Variants in CCSER1 observed in about 807,000 individuals in gnomAD.
CCSER1 encodes the protein coiled-coil serine rich protein 1, also known as serine-rich coiled-coil domain-containing protein 1.
In CCSER1, 41 loss-of-function variants were observed where a neutral mutation model predicts 82.0. The observed-to-expected ratio is 0.50, with a 90% CI of 0.39 to 0.65. The LOEUF is 0.65. CCSER1 is among the 30% of genes least tolerant of loss of function. The probability of loss-of-function intolerance (pLI) is 0.00; values close to 1 mark genes in which losing one functional copy is unlikely to be tolerated. For missense variants in CCSER1, 1,119 were observed against 1,064.2 expected, an observed-to-expected ratio of 1.05 and a Z score of -0.72; for synonymous variants, 414 against 383.9, an observed-to-expected ratio of 1.08 and a Z score of -0.92.
chr4:90,282,924 G>A (rs1729139456), intron 1 of CCSER1, among the ~76,000 whole-genome samples: 1 of 151,926 alleles, frequency 6.6e-6, no homozygotes, highest in South Asian at 2.1e-4. Flanking sequence ...TAAAGGGATA[G>A]GTGAGTACTA....
intron 1 of CCSER1, among the ~76,000 whole-genome samples, chr4:90,189,500 G>A (rs1480678273): frequency 1.3e-5 from 2 of 151,698 alleles, no homozygotes; most frequent in Non-Finnish European, 2.9e-5. Flanking sequence ...TATGTTTAGT[G>A]TATATATGTA....
At chr4:90,325,606 A>T (rs956020151) in intron 3 of CCSER1, 1 of 444,672 alleles carries the variant, frequency 2.2e-6, no homozygotes, top group East Asian at 7.0e-5. Context: ...GGTCTGCGAC[A>T]GATCTCTGAC....
intron 7 of CCSER1, among the ~76,000 whole-genome samples, chr4:90,784,944 T>A (rs555496412): frequency 2.6e-5 from 4 of 152,180 alleles, no homozygotes; most frequent in Non-Finnish European, 5.9e-5. Flanking sequence ...TTTATCTTCA[T>A]CCTCGTCACA....
intron 10 of CCSER1, among the ~76,000 whole-genome samples, chr4:91,299,996 C>G (rs1429660611): frequency 6.6e-6 from 1 of 151,808 alleles, no homozygotes; most frequent in Non-Finnish European, 1.5e-5. Context: ...GTTAGCAGCT[C>G]GGAATTATGT....
At chr4:91,146,068 T>C (rs1729504272) in intron 10 of CCSER1, among the ~76,000 whole-genome samples, 1 of 152,206 alleles carries the variant, frequency 6.6e-6, no homozygotes, top group Non-Finnish European at 1.5e-5. Flanking sequence ...CAATGAATCA[T>C]AGATTTGGTC....
chr4:91,376,132 G>A (rs558152163), intron 10 of CCSER1, among the ~76,000 whole-genome samples: 4 of 152,192 alleles, frequency 2.6e-5, no homozygotes, highest in African/African-American at 7.2e-5. Flanking sequence ...CAAAAATTCC[G>A]ATAAATAAGT....
At chr4:90,914,417 G>T (rs1581056065) in intron 8 of CCSER1, among the ~76,000 whole-genome samples, 1 of 152,098 alleles carries the variant, frequency 6.6e-6, no homozygotes, top group Admixed American at 6.6e-5. Flanking sequence ...CTAAATGAAG[G>T]CAGAAATAAA....
chr4:90,542,150 G>A (rs1279818478), intron 5 of CCSER1, among the ~76,000 whole-genome samples: 1 of 151,964 alleles, frequency 6.6e-6, no homozygotes, highest in Non-Finnish European at 1.5e-5. Context: ...GATAAATTCA[G>A]ATTAAAAAGC....
At chr4:90,612,817 A>G (rs920405797) in intron 5 of CCSER1, among the ~76,000 whole-genome samples, 23 of 152,126 alleles carry the variant, frequency 1.5e-4, no homozygotes, top group African/African-American at 5.3e-4. Flanking sequence ...AAAATGTTAT[A>G]CCAGTCTCTT....
intron 9 of CCSER1, among the ~76,000 whole-genome samples, chr4:91,010,258 T>C (rs998543194): frequency 2.6e-5 from 4 of 152,230 alleles, no homozygotes; most frequent in Non-Finnish European, 4.4e-5. Flanking sequence ...CTGCAGAGTT[T>C]CTGCTGAAAA....
chr4:90,431,445 G>T (rs1351738691), intron 4 of CCSER1, among the ~76,000 whole-genome samples: 1 of 152,072 alleles, frequency 6.6e-6, no homozygotes, highest in African/African-American at 2.4e-5. Flanking sequence ...GAGAGTCTTA[G>T]TGTGGGGAAA....
Position 90,793,626 on chromosome 4 carries a change from A to G in CCSER1, c.2011-22136A>G, listed in dbSNP as rs1207170000. 2.0e-5 allele frequency among the ~76,000 whole-genome samples: 3 copies of G among 152,206 alleles called. No individual in the cohort carries two copies. In the East Asian group the frequency reaches 5.8e-4, roughly 29 times the overall value. ...CTTTGCCATTGTGAATAGTGCTGCA[A>G]TGAACATATGTGTGCATGTGTCTTT... On this transcript the variant is annotated intron_variant, in intron 7 of 10. Coordinates refer to ENST00000509176, the MANE Select transcript of CCSER1 (RefSeq NM_001145065.2).
At chr4:90,293,929 A>C (rs1411197997) in intron 1 of CCSER1, among the ~76,000 whole-genome samples, 1 of 152,020 alleles carries the variant, frequency 6.6e-6, no homozygotes, top group South Asian at 2.1e-4. Flanking sequence ...CCAACATACA[A>C]AAATCTATTG....
At chr4:91,444,718 G>T (rs1195473618) in intron 10 of CCSER1, among the ~76,000 whole-genome samples, 1 of 152,196 alleles carries the variant, frequency 6.6e-6, no homozygotes, top group Admixed American at 6.5e-5. Context: ...CCAAAGTGCT[G>T]GGATCACAGG....
chr4:91,594,366 TACACATATATATAC>T (rs1364334878), intron 10 of CCSER1, among the ~76,000 whole-genome samples: 2 of 137,840 alleles, frequency 1.5e-5, no homozygotes, highest in South Asian at 2.2e-4. Context: ...CACATATATA[TACACATATATATAC>T]ACACATATAT....
intron 9 of CCSER1, among the ~76,000 whole-genome samples, chr4:90,939,682 C>G (rs923212578): frequency 2.0e-5 from 3 of 151,944 alleles, no homozygotes; most frequent in African/African-American, 7.3e-5. Flanking sequence ...TGGTGGTAAC[C>G]TTTATAAATA....
At chr4:91,569,493 T>G (rs748129783) in intron 10 of CCSER1, among the ~76,000 whole-genome samples, 1 of 152,188 alleles carries the variant, frequency 6.6e-6, no homozygotes, top group Non-Finnish European at 1.5e-5. Flanking sequence ...TAAAAAAGTT[T>G]AATTGATTCA....
chr4:91,334,675 G>C (rs1747197839), intron 10 of CCSER1, among the ~76,000 whole-genome samples: 1 of 151,972 alleles, frequency 6.6e-6, no homozygotes, highest in Non-Finnish European at 1.5e-5. Flanking sequence ...TTTTGCAAAG[G>C]GCTGTATTTG....
chr4:90,298,471 G>T (rs1463017772), intron 1 of CCSER1, among the ~76,000 whole-genome samples: 3 of 151,108 alleles, frequency 2.0e-5, no homozygotes, highest in Admixed American at 2.0e-4. Flanking sequence ...TTTTTTGAAG[G>T]GTTTTTTGTG....
Sources: gnomAD v4.1 joint callset for allele counts (sites outside exome capture counted in the v4.1 genomes callset) on GRCh38, gnomAD v4.1.1 for gene constraint, MANE v1.5 for transcripts, NCBI Gene and HGNC (gene_info 2026-07-23, HGNC 2026-07-21) for gene names.